The following NRCAM variants were observed in gnomAD, a reference collection of about 807,000 sequenced individuals.
The protein encoded by NRCAM is NgCAM-related cell adhesion molecule.
A neutral mutation model predicts 156.5 loss-of-function variants in NRCAM; 83 were observed. The observed-to-expected ratio is 0.53, with a 90% CI of 0.44 to 0.64. The LOEUF (loss-of-function observed/expected upper bound fraction) is 0.64. NRCAM is among the 30% of genes least tolerant of loss of function. NRCAM has a pLI of 0.00. For missense variants in NRCAM, 1,417 were observed against 1,597.3 expected, an observed-to-expected ratio of 0.89 and a Z score of 1.92; for synonymous variants, 538 against 563.9, an observed-to-expected ratio of 0.95 and a Z score of 0.65.
At position 108,231,077 on chromosome 7, in the gene NRCAM, T is replaced by C; in HGVS notation, c.504A>G (p.Arg168=). The C allele has an allele frequency of 6.2e-7, 1 of 1,608,978 alleles. No individual in the cohort carries two copies. Among genetic ancestry groups the C allele is most frequent in the South Asian group, 1.1e-5 (1 of 90,676 alleles). ...TAGGTGGTGGTAATCCAATTGGGGGTCTGCAGGGAAGTACTAAAGACTGAC... is the reference window on the plus strand; with the variant it reads ...TAGGTGGTGGTAATCCAATTGGGGGCCTGCAGGGAAGTACTAAAGACTGAC... ...QSGQSLVLPC[R]PPIGLPPPII... is the part of the protein sequence containing the mutation. Residue 168 remains arginine, a synonymous_variant, in exon 8 of 33, where the codon AGA becomes AGG. Transcript: ENST00000379028.
chr7:108,182,938 T>C lies in NRCAM; in HGVS notation c.2305-18A>G, dbSNP rs1292949301. 6.3e-7 allele frequency: 1 copy of C among 1,598,102 alleles called. No homozygotes were observed. The highest frequency in any genetic ancestry group is 2.2e-5 in the East Asian group (1 of 44,818). The stretch of plus-strand genomic sequence containing the variant: ...TTCAAGGGCTACAAGGAAAGCCAAA[T>C]AACCAGAGCTTATAACACAAATCAA... On this transcript the variant is annotated intron_variant, in intron 22 of 32. Coordinates refer to ENST00000379028, the MANE Select transcript of NRCAM (RefSeq NM_001037132.4).
intron 1 of NRCAM, among the ~76,000 whole-genome samples, chr7:108,401,795 T>G (rs1042879955): frequency 6.6e-6 from 1 of 152,142 alleles, no homozygotes; most frequent in South Asian, 2.1e-4. Context: ...CTCAAAGAAA[T>G]ACAACTCCCT....
At chr7:108,243,227 G>C (rs2095656442) in intron 3 of NRCAM, 1 of 152,150 alleles carries the variant, frequency 6.6e-6, no homozygotes, top group Non-Finnish European at 1.5e-5. Flanking sequence ...TCTGGCTCCT[G>C]CCCATGGAAA....
At chr7:108,452,199 G>A (rs1598605544) in intron 1 of NRCAM, among the ~76,000 whole-genome samples, 1 of 152,306 alleles carries the variant, frequency 6.6e-6, no homozygotes, top group Admixed American at 6.5e-5. Flanking sequence ...TAGAAGCAGA[G>A]AGTAGAATGG....
At chr7:108,358,208 G>A (rs971936103) in intron 2 of NRCAM, among the ~76,000 whole-genome samples, 1 of 146,232 alleles carries the variant, frequency 6.8e-6, no homozygotes, top group East Asian at 2.0e-4. Context: ...AGGAGTTCAA[G>A]AGCAGCCTGG....
intron 1 of NRCAM, among the ~76,000 whole-genome samples, chr7:108,417,100 C>G (rs1802511621): frequency 6.6e-6 from 1 of 152,226 alleles, no homozygotes; most frequent in Non-Finnish European, 1.5e-5. Flanking sequence ...TCATGATTCT[C>G]TGCTTTTGCA....
chr7:108,181,763 A>G (rs1443555321), intron 24 of NRCAM, 59 bp downstream of exon 24: 2 of 1,140,772 alleles, frequency 1.8e-6, no homozygotes, highest in African/African-American at 1.5e-5. Context: ...TATGCATGAC[A>G]AGTGGCATTC....
chr7:108,397,071 T>C (rs2099778770), intron 2 of NRCAM, among the ~76,000 whole-genome samples: 1 of 152,104 alleles, frequency 6.6e-6, no homozygotes, highest in Non-Finnish European at 1.5e-5. Flanking sequence ...TTAAGACATA[T>C]AGATAACTTT....
intron 10 of NRCAM, among the ~76,000 whole-genome samples, chr7:108,225,407 T>C (rs1000588620): frequency 3.9e-5 from 6 of 152,188 alleles, no homozygotes; most frequent in Admixed American, 3.3e-4. Context: ...AATGGTTCTT[T>C]ACACGCAAAC....
At chr7:108,162,585 G>A (rs964633837) in intron 30 of NRCAM, among the ~76,000 whole-genome samples, 2 of 152,218 alleles carry the variant, frequency 1.3e-5, no homozygotes, top group South Asian at 2.1e-4. Context: ...GATGGTGACT[G>A]CCAAAATCGA....
At chr7:108,432,428 T>C (rs972687406) in intron 1 of NRCAM, among the ~76,000 whole-genome samples, 2 of 152,232 alleles carry the variant, frequency 1.3e-5, no homozygotes, top group Admixed American at 6.5e-5. Flanking sequence ...AGCATAAGCA[T>C]CTTTGCTCCA....
rs546488490 is a variant in NRCAM at position 108,182,224 on chromosome 7, T to C, written c.2531-287A>G. Among the ~76,000 whole-genome samples the C allele has an allele frequency of 6.6e-5, 10 of 152,306 alleles. No individual in the cohort carries two copies. The South Asian group carries it at 1.9e-3, about 28-fold the overall frequency. ...AAACACGATTTTTTAAAAAGTACAA[T>C]TGACCCTTGAACAACACGGGTTTGA... On this transcript the variant is annotated intron_variant, in intron 23 of 32. Coordinates refer to ENST00000379028, the MANE Select transcript of NRCAM (RefSeq NM_001037132.4).
At chr7:108,403,369 A>G (rs1416104120) in intron 1 of NRCAM, among the ~76,000 whole-genome samples, 1 of 152,216 alleles carries the variant, frequency 6.6e-6, no homozygotes, top group Non-Finnish European at 1.5e-5. Context: ...ATCTAGCAAA[A>G]TATTAATGCT....
chr7:108,205,200 G>A (rs1402949757), intron 13 of NRCAM, among the ~76,000 whole-genome samples: 3 of 152,198 alleles, frequency 2.0e-5, no homozygotes, highest in Admixed American at 6.5e-5. Context: ...GAGGGAGCCC[G>A]TATGCTCCTT....
intron 30 of NRCAM, among the ~76,000 whole-genome samples, chr7:108,162,531 A>G (rs575538414): frequency 1.7e-4 from 26 of 152,312 alleles, no homozygotes; most frequent in African/African-American, 6.0e-4. Flanking sequence ...CTAAAAAGGG[A>G]AAAACAAGAT....
chr7:108,358,946 T>C (rs1012242586), intron 2 of NRCAM, among the ~76,000 whole-genome samples: 1 of 152,188 alleles, frequency 6.6e-6, no homozygotes, highest in Non-Finnish European at 1.5e-5. Flanking sequence ...GGGGTTGTCA[T>C]GCTTTTCAGA....
chr7:108,411,135 T>G (rs1203023772), intron 1 of NRCAM, among the ~76,000 whole-genome samples: 1 of 152,202 alleles, frequency 6.6e-6, no homozygotes, highest in Non-Finnish European at 1.5e-5. Context: ...CTTCAATTCA[T>G]AAAAATAATT....
At chr7:108,443,654 A>G (rs1384562885) in intron 1 of NRCAM, among the ~76,000 whole-genome samples, 2 of 152,224 alleles carry the variant, frequency 1.3e-5, no homozygotes, top group African/African-American at 4.8e-5. Flanking sequence ...CCCTTAAGTT[A>G]CCAGGTGATG....
intron 1 of NRCAM, among the ~76,000 whole-genome samples, chr7:108,429,031 CA>C (rs1411650983): frequency 1.3e-5 from 2 of 152,000 alleles, no homozygotes; most frequent in African/African-American, 2.4e-5. Context: ...TAATCCCGCA[CA>C]AGCACTGTTT....
Sources: gnomAD v4.1 joint callset for allele counts (sites outside exome capture counted in the v4.1 genomes callset) on GRCh38, gnomAD v4.1.1 for gene constraint, MANE v1.5 for transcripts, NCBI Gene and HGNC (gene_info 2026-07-23, HGNC 2026-07-21) for gene names.